SH3KBP1: variants seen among roughly 807,000 people sequenced by gnomAD.
SH3KBP1 encodes the protein SH3 domain containing kinase binding protein 1.
A neutral mutation model predicts 50.1 loss-of-function variants in SH3KBP1; 8 were observed. The ratio of observed to expected loss-of-function variants is 0.16; its 90% CI spans 0.09 to 0.29. The LOEUF is 0.29. Among genes scored for constraint, SH3KBP1 ranks in the 10% least tolerant of loss-of-function variants. SH3KBP1 has a pLI of 1.00. For synonymous variants in SH3KBP1, 227 were observed against 218.6 expected, an observed-to-expected ratio of 1.04 and a Z score of -0.34; for missense variants, 377 against 535.2, an observed-to-expected ratio of 0.70 and a Z score of 2.92.
chrX:19,723,843 G>T (rs1240508278), intron 3 of SH3KBP1, among the ~76,000 whole-genome samples: 2 of 111,234 alleles, frequency 1.8e-5, no homozygotes, highest in African/African-American at 6.5e-5. Context: ...ATTGTGTGGG[G>T]ATCAGAAAAA....
chrX:19,824,134 C>T (rs1457901329), intron 2 of SH3KBP1, among the ~76,000 whole-genome samples: 1 of 111,861 alleles, frequency 8.9e-6, no homozygotes, highest in African/African-American at 3.3e-5. Flanking sequence ...TGTATTAATT[C>T]TAATGGACTT....
At chrX:19,779,981 G>A (rs1382448863) in intron 2 of SH3KBP1, among the ~76,000 whole-genome samples, 2 of 110,559 alleles carry the variant, frequency 1.8e-5, no homozygotes, top group Non-Finnish European at 3.8e-5. Context: ...GTAATGGGAT[G>A]GTATTTCCAG....
At chrX:19,605,776 G>C (rs1361808104) in intron 9 of SH3KBP1, among the ~76,000 whole-genome samples, 1 of 111,450 alleles carries the variant, frequency 9.0e-6, no homozygotes, top group East Asian at 2.8e-4. Flanking sequence ...AATAAATACT[G>C]AATGAGTGAA....
intron 9 of SH3KBP1, among the ~76,000 whole-genome samples, chrX:19,602,384 A>G (rs1202236538): frequency 4.5e-5 from 5 of 111,929 alleles, no homozygotes; most frequent in Non-Finnish European, 7.5e-5. Flanking sequence ...CTCTGCCTTC[A>G]AAGACTACAG....
intron 2 of SH3KBP1, among the ~76,000 whole-genome samples, chrX:19,768,512 C>T (rs998115631): frequency 2.1e-5 from 2 of 95,411 alleles, no homozygotes; most frequent in African/African-American, 7.7e-5. Context: ...TGGCACATAC[C>T]ATGGGCATCC....
intron 1 of SH3KBP1, among the ~76,000 whole-genome samples, chrX:19,882,304 G>C (rs2069457089): frequency 9.0e-6 from 1 of 110,738 alleles, no homozygotes; most frequent in Non-Finnish European, 1.9e-5. Context: ...GTGAATATTA[G>C]GTTACAAGGC....
intron 2 of SH3KBP1, among the ~76,000 whole-genome samples, chrX:19,815,043 T>A (rs2067313499): frequency 8.9e-6 from 1 of 111,866 alleles, no homozygotes; most frequent in South Asian, 3.7e-4. Context: ...GAAACACCTG[T>A]AATCTGTCAC....
intron 2 of SH3KBP1, among the ~76,000 whole-genome samples, chrX:19,801,604 C>T (rs548975647): frequency 4.5e-5 from 5 of 111,566 alleles, no homozygotes; most frequent in African/African-American, 1.3e-4. Flanking sequence ...TAGGGCTGAG[C>T]GTGGAAATGG....
chrX:19,600,447 T>C (rs760739202), intron 9 of SH3KBP1, among the ~76,000 whole-genome samples: 11 of 111,990 alleles, frequency 9.8e-5, no homozygotes, highest in African/African-American at 3.6e-4. Context: ...GACAAGGCAG[T>C]GTGAACTGAG....
At chrX:19,682,507 G>C (rs1325033536) in intron 6 of SH3KBP1, among the ~76,000 whole-genome samples, 1 of 110,809 alleles carries the variant, frequency 9.0e-6, no homozygotes, top group Non-Finnish European at 1.9e-5. Flanking sequence ...ACTGCATCCA[G>C]TGTTCCTTTC....
chrX:19,623,832 A>G (rs893777142), intron 8 of SH3KBP1, among the ~76,000 whole-genome samples: 32 of 112,546 alleles, frequency 2.8e-4, no homozygotes, highest in African/African-American at 1.0e-3. Flanking sequence ...TCATCCTAAG[A>G]AAAGCTAAAA....
intron 2 of SH3KBP1, among the ~76,000 whole-genome samples, chrX:19,819,722 C>T (rs924875946): frequency 9.1e-6 from 1 of 110,369 alleles, no homozygotes. Context: ...TCAATGATTA[C>T]TGCTCTTATC....
At chrX:19,572,214 C>T (rs144831185) in intron 12 of SH3KBP1, among the ~76,000 whole-genome samples, 1,352 of 105,828 alleles carry the variant, frequency 0.013, 9 homozygotes, top group South Asian at 0.021. Flanking sequence ...ATATATAGTA[C>T]ATATGTTATA....
At chrX:19,654,352 G>A (rs577759719) in intron 6 of SH3KBP1, among the ~76,000 whole-genome samples, 2 of 111,816 alleles carry the variant, frequency 1.8e-5, no homozygotes, top group African/African-American at 6.5e-5. Context: ...GCCTTCTCAT[G>A]ATGGGGAAAT....
chrX:19,817,300 T>C (rs1378014293), intron 2 of SH3KBP1, among the ~76,000 whole-genome samples: 2 of 112,137 alleles, frequency 1.8e-5, no homozygotes, highest in East Asian at 5.6e-4. Context: ...AATAAACTAG[T>C]CTATAGCTAC....
chrX:19,865,765 T>C (rs754374792), intron 1 of SH3KBP1, among the ~76,000 whole-genome samples: 3 of 111,681 alleles, frequency 2.7e-5, no homozygotes, highest in Admixed American at 9.5e-5. Context: ...AATGGGCTGG[T>C]CCCCAAATGA....
At chrX:19,752,366 G>T (rs770444000) in intron 2 of SH3KBP1, among the ~76,000 whole-genome samples, 13 of 112,329 alleles carry the variant, frequency 1.2e-4, no homozygotes, top group African/African-American at 4.2e-4. Flanking sequence ...TTAGAGAGTA[G>T]TATACAAATT....
chrX:19,738,119 T>A (rs747517237), intron 3 of SH3KBP1, among the ~76,000 whole-genome samples: 1 of 111,678 alleles, frequency 9.0e-6, no homozygotes, highest in East Asian at 2.8e-4. Context: ...TAGTATCCAA[T>A]AACATGCAGT....
At chrX:19,788,339 G>A (rs1461420991) in intron 2 of SH3KBP1, among the ~76,000 whole-genome samples, 1 of 106,689 alleles carries the variant, frequency 9.4e-6, no homozygotes, top group African/African-American at 3.5e-5. Context: ...TATGCACACA[G>A]GGAGAATGCC....
Sources: allele counts gnomAD v4.1 joint callset (sites outside exome capture counted in the v4.1 genomes callset), GRCh38; gene constraint gnomAD v4.1.1; transcripts MANE v1.5; gene names NCBI Gene and HGNC (gene_info 2026-07-23, HGNC 2026-07-21).